The following CFAP221 variants were observed in gnomAD, a reference collection of about 807,000 sequenced individuals.
CFAP221 encodes cilia- and flagella-associated protein 221.
In CFAP221, 97 loss-of-function variants were observed where a neutral mutation model predicts 113.1. That is an observed-to-expected ratio of 0.86 (90% CI 0.73 to 1.02). The LOEUF (loss-of-function observed/expected upper bound fraction) is 1.02, where lower values mean the gene tolerates loss of function less well. CFAP221 is among the 50% of genes least tolerant of loss of function. The pLI, the probability that CFAP221 is intolerant of heterozygous loss-of-function variation, is 0.00. For missense variants in CFAP221, 1,025 were observed against 1,013.4 expected (o/e 1.01, Z -0.16); for synonymous variants, 331 against 354.4 (o/e 0.93, Z 0.74).
chr2:119,630,116 C>A (rs1419990241), intron 17 of CFAP221, among the ~76,000 whole-genome samples, 161 bp downstream of exon 17: 2 of 152,170 alleles, frequency 1.3e-5, no homozygotes, highest in Non-Finnish European at 2.9e-5. Context: ...ACAGCAGATT[C>A]TTTTCTCATA....
At chr2:119,648,984 G>A (rs1317935546) in intron 22 of CFAP221, among the ~76,000 whole-genome samples, 3 of 152,216 alleles carry the variant, frequency 2.0e-5, no homozygotes, top group South Asian at 2.1e-4. Flanking sequence ...TGACTCCTGC[G>A]CTGGTAGCAG....
At chr2:119,608,621 T>C (rs1684943199) in intron 12 of CFAP221, 32 bp downstream of exon 12, 1 of 1,560,062 alleles carries the variant, frequency 6.4e-7, no homozygotes, top group Non-Finnish European at 8.8e-7. Context: ...CTATCATTTG[T>C]TTCGCTAGAT....
At chr2:119,624,258 CAT>C (rs1466777822) in intron 14 of CFAP221, among the ~76,000 whole-genome samples, 4 of 152,200 alleles carry the variant, frequency 2.6e-5, no homozygotes, top group South Asian at 2.1e-4. Flanking sequence ...GGCCAACAAA[CAT>C]ATGAAAAACA....
chr2:119,634,804 C>CA (rs1687012500), intron 19 of CFAP221, among the ~76,000 whole-genome samples: 1 of 152,142 alleles, frequency 6.6e-6, no homozygotes, highest in Non-Finnish European at 1.5e-5. Flanking sequence ...TGATGGTTAT[C>CA]AGAGGCTGAG....
chr2:119,605,189 C>A lies in CFAP221; in HGVS notation c.1033C>A (p.Gln345Lys). Residue 345 changes from glutamine (Q) to lysine (K), a missense_variant, in exon 11 of 24, where the codon CAG becomes AAG. Physicochemically the swap from Gln to Lys is moderately conservative, Grantham distance 53 (BLOSUM62 1). Coordinates refer to ENST00000413369, the MANE Select transcript of CFAP221 (RefSeq NM_001271049.2). ...KIKELREVLD[Q>K]GTEISKTRQM... ...TCTGCTCCTGCCTTCAGTTTTGGAC[C>A]AGGGCACTGAAATTTCAAAAACGAG... 2 of 1,613,732 alleles carry A rather than the reference C, an allele frequency of 1.2e-6. No individual in the cohort carries two copies. Among genetic ancestry groups the A allele is most frequent in the East Asian group, 4.5e-5 (2 of 44,876 alleles).
intron 14 of CFAP221, among the ~76,000 whole-genome samples, chr2:119,616,993 C>G (rs932421121): frequency 6.6e-6 from 1 of 152,222 alleles, no homozygotes; most frequent in African/African-American, 2.4e-5. Flanking sequence ...TGCACTAATT[C>G]CTGGTGCTGC....
intron 7 of CFAP221, among the ~76,000 whole-genome samples, chr2:119,589,204 A>G (rs1683421474): frequency 1.4e-5 from 2 of 144,082 alleles, no homozygotes; most frequent in African/African-American, 2.4e-5. Context: ...AGTCTCAGGA[A>G]CGTTCTTGGT....
At chr2:119,629,710 A>C (rs1452319695) in intron 16 of CFAP221, among the ~76,000 whole-genome samples, 165 bp from the exon 17 acceptor site, 2 of 152,216 alleles carry the variant, frequency 1.3e-5, no homozygotes, top group African/African-American at 4.8e-5. Context: ...GGGGGTGATC[A>C]GGGCTGCCTT....
chr2:119,633,969 G>A (rs1297733083), intron 19 of CFAP221, among the ~76,000 whole-genome samples: 1 of 152,232 alleles, frequency 6.6e-6, no homozygotes, highest in African/African-American at 2.4e-5. Flanking sequence ...TCTGCTGGGT[G>A]TGGTGGCACA....
chr2:119,559,221 G>A (rs1381629650), intron 3 of CFAP221, among the ~76,000 whole-genome samples: 4 of 152,182 alleles, frequency 2.6e-5, no homozygotes, highest in Non-Finnish European at 5.9e-5. Context: ...GTGGATTGGA[G>A]GCTGTCTTAG....
intron 6 of CFAP221, among the ~76,000 whole-genome samples, chr2:119,581,408 T>C (rs1341954792): frequency 6.6e-6 from 1 of 152,136 alleles, no homozygotes; most frequent in Non-Finnish European, 1.5e-5. Context: ...TCTTAAAAAT[T>C]CAAAATATAG....
At chr2:119,616,235 A>G (rs974642423) in intron 14 of CFAP221, among the ~76,000 whole-genome samples, 3 of 152,230 alleles carry the variant, frequency 2.0e-5, no homozygotes, top group Non-Finnish European at 4.4e-5. Flanking sequence ...CTTCTTTCAT[A>G]TAACTTATTT....
chr2:119,644,914 A>C (rs1167052073), intron 21 of CFAP221, among the ~76,000 whole-genome samples: 1 of 152,094 alleles, frequency 6.6e-6, no homozygotes, highest in African/African-American at 2.4e-5. Flanking sequence ...CTTATAATAC[A>C]TCAAAAATCA....
chr2:119,625,488 GCT>G, intron 14 of CFAP221, 93 bp from the exon 15 acceptor site: 1 of 1,057,682 alleles, frequency 9.5e-7, no homozygotes, highest in South Asian at 1.5e-5. Context: ...GGCAGTCTCA[GCT>G]CTTAGTGTGG....
intron 22 of CFAP221, among the ~76,000 whole-genome samples, chr2:119,650,601 A>G (rs1001112275): frequency 1.3e-5 from 2 of 152,236 alleles, no homozygotes; most frequent in African/African-American, 4.8e-5. Context: ...TGAGAATAGT[A>G]ATTATAATAA....
intron 12 of CFAP221, among the ~76,000 whole-genome samples, chr2:119,610,831 T>C (rs1048150799): frequency 6.6e-6 from 1 of 152,164 alleles, no homozygotes; most frequent in African/African-American, 2.4e-5. Context: ...AAACAATTAA[T>C]AGAACACACA....
chr2:119,629,072 T>C (rs1293797396), intron 16 of CFAP221, among the ~76,000 whole-genome samples: 1 of 152,252 alleles, frequency 6.6e-6, no homozygotes, highest in East Asian at 1.9e-4. Context: ...AATACTGTAT[T>C]TCATCAATTG....
Position 119,656,575 on chromosome 2 carries a change from A to G in CFAP221, c.*105A>G. On this transcript the variant is annotated 3_prime_UTR_variant, in exon 24 of 24. Transcript: ENST00000413369. ...TCTCTGCAATTAAAGTTTCTGGATA[A>G]AAAAATGAAATGTAGAGGATGTATA... is the stretch of plus-strand genomic sequence containing the variant. 1 of 715,748 alleles carries G rather than the reference A, an allele frequency of 1.4e-6. No homozygotes were observed. Among genetic ancestry groups the G allele is most frequent in the East Asian group, 2.7e-5 (1 of 36,652 alleles). 44.3% of individuals were successfully genotyped at this position (715,748 alleles called of 1,614,324 possible). A position where few individuals can be genotyped will look rare whatever the true frequency, so the allele number is the denominator to read the frequency against.
At chr2:119,611,181 G>A (rs1010212896) in intron 12 of CFAP221, among the ~76,000 whole-genome samples, 3 of 152,116 alleles carry the variant, frequency 2.0e-5, no homozygotes, top group Non-Finnish European at 4.4e-5. Context: ...TTACAGGGAT[G>A]TTAAATGTCT....
Sources: allele counts gnomAD v4.1 joint callset (sites outside exome capture counted in the v4.1 genomes callset), GRCh38; gene constraint gnomAD v4.1.1; transcripts MANE v1.5; gene names NCBI Gene and HGNC (gene_info 2026-07-23, HGNC 2026-07-21).